The following FMN1 variants were observed in gnomAD, a reference collection of about 807,000 sequenced individuals.
FMN1 encodes formin 1.
FMN1 carries 110 observed loss-of-function variants against 132.4 expected under a neutral mutation model. The observed-to-expected ratio is 0.83, with a 90% CI of 0.71 to 0.97. FMN1 has a LOEUF of 0.97. Ranked by LOEUF, FMN1 falls within the 50% of genes least tolerant of loss-of-function variation. FMN1 has a pLI of 0.00. For missense variants in FMN1, 1,792 were observed against 1,705.3 expected (o/e 1.05, Z -0.90); for synonymous variants, 722 against 651.7 (o/e 1.11, Z -1.64).
At chr15:33,097,029 C>A (rs941577706) in intron 4 of FMN1, among the ~76,000 whole-genome samples, 1 of 152,138 alleles carries the variant, frequency 6.6e-6, no homozygotes, top group African/African-American at 2.4e-5. Flanking sequence ...CACAGCGGCT[C>A]ATGCCTGTAA....
chr15:32,904,968 T>TA (rs1293212790), intron 12 of FMN1, among the ~76,000 whole-genome samples: 3 of 152,206 alleles, frequency 2.0e-5, no homozygotes, highest in African/African-American at 7.2e-5. Context: ...TGGGCCTTGG[T>TA]ACTTCTGAAT....
chr15:32,838,220 A>G (rs904693359), intron 17 of FMN1, among the ~76,000 whole-genome samples: 23 of 152,248 alleles, frequency 1.5e-4, no homozygotes, highest in Non-Finnish European at 3.2e-4. Flanking sequence ...GAAAGCTATG[A>G]AAGAAGGCAG....
chr15:33,084,637 G>C (rs2038618455), intron 5 of FMN1, among the ~76,000 whole-genome samples: 1 of 152,128 alleles, frequency 6.6e-6, no homozygotes, highest in Non-Finnish European at 1.5e-5. Flanking sequence ...GGTTTTGTTT[G>C]TTTGTTTGTT....
intron 3 of FMN1, among the ~76,000 whole-genome samples, chr15:33,166,905 C>T (rs554220491): frequency 6.6e-6 from 1 of 152,210 alleles, no homozygotes; most frequent in East Asian, 1.9e-4. Context: ...GGCATGTATC[C>T]CAATCCAACA....
At chr15:32,985,643 T>A (rs927012087) in intron 7 of FMN1, among the ~76,000 whole-genome samples, 5 of 152,150 alleles carry the variant, frequency 3.3e-5, no homozygotes, top group African/African-American at 1.2e-4. Context: ...CTCAGCCAGG[T>A]CACAGCTGCT....
intron 4 of FMN1, among the ~76,000 whole-genome samples, chr15:33,126,547 CCA>C (rs1388809356): frequency 6.6e-6 from 1 of 151,946 alleles, no homozygotes; most frequent in African/African-American, 2.4e-5. Context: ...CTGAAAAACT[CCA>C]TAGATTTAGC....
At chr15:33,120,018 T>A (rs1390968623) in intron 4 of FMN1, among the ~76,000 whole-genome samples, 1 of 152,160 alleles carries the variant, frequency 6.6e-6, no homozygotes, top group African/African-American at 2.4e-5. Context: ...ATTATTATTA[T>A]CAATTTTAAC....
intron 19 of FMN1, among the ~76,000 whole-genome samples, chr15:32,793,043 G>A (rs2057146250): frequency 6.6e-6 from 1 of 152,068 alleles, no homozygotes; most frequent in South Asian, 2.1e-4. Context: ...AAGGAAATAA[G>A]GAAATGAACG....
At chr15:33,170,323 T>A (rs1229499579) in intron 3 of FMN1, among the ~76,000 whole-genome samples, 2 of 152,034 alleles carry the variant, frequency 1.3e-5, no homozygotes, top group African/African-American at 4.8e-5. Context: ...GTGGAAAACA[T>A]AAGGGAAACA....
At chr15:32,876,716 G>A (rs8025666) in intron 16 of FMN1, among the ~76,000 whole-genome samples, 6,145 of 152,272 alleles carry the variant, frequency 0.04, 417 homozygotes, top group African/African-American at 0.14. Context: ...GGTGATATTT[G>A]CAAGAGTCTT....
At chr15:32,963,996 G>C (rs971094018) in intron 9 of FMN1, 111 bp downstream of exon 9, 1 of 349,952 alleles carries the variant, frequency 2.9e-6, no homozygotes, top group Admixed American at 4.7e-5. Flanking sequence ...GTATAGGTAT[G>C]TGTGTGTGTG....
chr15:33,077,196 TTTTTG>T (rs2038246147), intron 5 of FMN1, among the ~76,000 whole-genome samples: 1 of 152,020 alleles, frequency 6.6e-6, no homozygotes. Flanking sequence ...GCCTGGCTAA[TTTTTG>T]TTTTGTTTTG....
intron 12 of FMN1, among the ~76,000 whole-genome samples, chr15:32,905,976 G>T (rs1325940362): frequency 6.6e-6 from 1 of 152,120 alleles, no homozygotes; most frequent in Non-Finnish European, 1.5e-5. Context: ...CTTTTTGCTG[G>T]GTTTGCGTGT....
intron 9 of FMN1, among the ~76,000 whole-genome samples, chr15:32,959,913 C>T (rs1405342186): frequency 6.6e-6 from 1 of 152,136 alleles, no homozygotes; most frequent in Non-Finnish European, 1.5e-5. Context: ...TAATACGATC[C>T]TGCATAAGAA....
At chr15:33,127,091 T>C (rs1963156497) in intron 4 of FMN1, among the ~76,000 whole-genome samples, 1 of 152,202 alleles carries the variant, frequency 6.6e-6, no homozygotes, top group Non-Finnish European at 1.5e-5. Context: ...TATCAGGAGC[T>C]GGTTGGGGGA....
intron 6 of FMN1, among the ~76,000 whole-genome samples, chr15:33,046,643 C>T (rs1336913164): frequency 6.6e-6 from 1 of 152,124 alleles, no homozygotes; most frequent in Non-Finnish European, 1.5e-5. Flanking sequence ...GACCCCAGAG[C>T]TATGGTATGG....
At position 33,067,891 on chromosome 15, in the gene FMN1, G is replaced by A. The variant is rs112137926; in HGVS notation, c.2044-2817C>T. On this transcript the variant is annotated intron_variant, in intron 5 of 20. Transcript: ENST00000616417. ...AATTATCAACGTTCTCCATGTCTCA[G>A]TAATGCCCTTGGTGGAAGTTCTGAC... 7.0e-4 allele frequency: 1,123 copies of A among 1,599,592 alleles called. 4 individuals carry two copies. Among genetic ancestry groups the A allele is most frequent in the African/African-American group, 7.0e-3 (519 of 74,522 alleles).
At chr15:33,135,768 C>T (rs184165135) in intron 4 of FMN1, among the ~76,000 whole-genome samples, 29 of 152,256 alleles carry the variant, frequency 1.9e-4, no homozygotes, top group African/African-American at 6.0e-4. Flanking sequence ...GAATTCTTAT[C>T]GTGCATTGCG....
At chr15:32,861,182 T>C (rs2059259485) in intron 16 of FMN1, among the ~76,000 whole-genome samples, 1 of 152,234 alleles carries the variant, frequency 6.6e-6, no homozygotes, top group Non-Finnish European at 1.5e-5. Flanking sequence ...GTATAAAACA[T>C]GCCTGCAATT....
Sources: allele counts gnomAD v4.1 joint callset (sites outside exome capture counted in the v4.1 genomes callset), GRCh38; gene constraint gnomAD v4.1.1; transcripts MANE v1.5; gene names NCBI Gene and HGNC (gene_info 2026-07-23, HGNC 2026-07-21).